Variants in RABEP2 observed in about 807,000 individuals in gnomAD.
RABEP2 encodes the protein rabaptin, RAB GTPase binding effector protein 2.
RABEP2 carries 57 observed loss-of-function variants against 74.1 expected under a neutral mutation model. The observed-to-expected ratio is 0.77, with a 90% confidence interval of 0.62 to 0.96. The LOEUF is 0.96. RABEP2 is among the 40% of genes least tolerant of loss of function. The pLI is 0.00. For synonymous variants in RABEP2, 351 were observed against 344.0 expected (o/e 1.02, Z -0.23); for missense variants, 692 against 756.3 (o/e 0.91, Z 1.00).
intron 3 of RABEP2, among the ~76,000 whole-genome samples, chr16:28,918,822 A>T (rs1196059075): frequency 6.6e-6 from 1 of 151,922 alleles, no homozygotes; most frequent in Non-Finnish European, 1.5e-5. Flanking sequence ...CAGTTAATTT[A>T]ACAAAAAAAG....
chr16:28,912,170 C>T (rs1479829604), intron 5 of RABEP2, among the ~76,000 whole-genome samples: 6 of 132,192 alleles, frequency 4.5e-5, no homozygotes, highest in African/African-American at 1.6e-4. Flanking sequence ...GGCATGAACC[C>T]GGTAGGTGGA....
chr16:28,914,636 C>A (rs753478169), intron 4 of RABEP2, 36 bp downstream of exon 4: 2 of 1,611,428 alleles, frequency 1.2e-6, no homozygotes, highest in Admixed American at 1.7e-5. Flanking sequence ...CCTCTGGCAC[C>A]CCTCCTTCCC....
At position 28,919,907 on chromosome 16, in the gene RABEP2, AGG is replaced by A; in HGVS notation, c.309_310del (p.Leu104GlufsTer12). 1 of 1,404,642 alleles carries A rather than the reference AGG, an allele frequency of 7.1e-7. No individual in the cohort carries two copies. The allele number at this position is 1,404,642 out of a possible 1,614,324, so 87.0% of individuals were successfully genotyped here. On this transcript the variant is annotated frameshift_variant, in exon 3 of 13. Transcript: ENST00000358201. LOFTEE classifies it high-confidence loss of function. ...CTGCTGCTGCTGTCGCTCCTGCTTCAGGGCGGTGATCTGGGCTTCATAGCTGC... is the reference window on the plus strand; with the variant it reads ...CTGCTGCTGCTGTCGCTCCTGCTTCAGCGGTGATCTGGGCTTCATAGCTGC...
In RABEP2 at chr16:28,911,110, G is replaced by A. The variant is rs753049047; in HGVS notation, c.964C>T (p.Arg322Trp). The A allele has an allele frequency of 1.8e-5, 29 of 1,613,104 alleles. No individual in the cohort carries two copies. Among genetic ancestry groups the A allele is most frequent in the Admixed American group, 5.0e-5 (3 of 59,996 alleles). Residue 322 changes from arginine (R) to tryptophan (W), a missense_variant, in exon 6 of 13, where the codon CGG becomes TGG. Arg to Trp is a moderately radical substitution (Grantham distance 101, BLOSUM62 -3). Coordinates refer to ENST00000358201, the MANE Select transcript of RABEP2 (RefSeq NM_024816.3). The part of the protein sequence containing the change: ...ERDELQEGLR[R>W]SNEDCAKQMQ... ...TGCTTGGCACAGTCCTCATTGCTCC[G>A]TCTCAGGCCCTCTTGGAGCTCGTCC...
intron 3 of RABEP2, chr16:28,917,865 T>C (rs1200371848): frequency 6.6e-6 from 1 of 152,240 alleles, no homozygotes; most frequent in African/African-American, 2.4e-5. Context: ...GGTCTTTGTT[T>C]CATGGGCTCC....
At position 28,905,877 on chromosome 16, in the gene RABEP2, C is replaced by T; in HGVS notation, c.1425G>A (p.Glu475=). The T allele has an allele frequency of 6.2e-7, 1 of 1,613,868 alleles. No homozygotes were observed. Among genetic ancestry groups the T allele is most frequent in the Non-Finnish European group, 8.5e-7 (1 of 1,180,028 alleles). Residue 475 remains glutamate, a splice_region_variant and synonymous_variant, in exon 10 of 13, where the codon GAG becomes GAA. Coordinates refer to ENST00000358201, the MANE Select transcript of RABEP2 (RefSeq NM_024816.3). The stretch of plus-strand genomic sequence containing the variant: ...CCAGCACACACTCACCCTCCAGCAC[C>T]TCTGTGGGAAGGAAAGAAAGAGAGG... ...GQLRVQREET[E]VLEASLCSLR...
intron 12 of RABEP2, 142 bp downstream of exon 12, chr16:28,905,255 T>C (rs1259654828): frequency 1.3e-5 from 9 of 708,982 alleles, no homozygotes; most frequent in South Asian, 5.5e-5. Flanking sequence ...TCAGGGTTTT[T>C]TGAGTAACAG....
chr16:28,905,710 C>G lies in RABEP2; in HGVS notation c.1485G>C (p.Gln495His), dbSNP rs755960017. Residue 495 changes from glutamine (Q) to histidine (H), a missense_variant, in exon 11 of 13, where the codon CAG becomes CAC. Coordinates refer to ENST00000358201, the MANE Select transcript of RABEP2 (RefSeq NM_024816.3). Reference sequence around the variant, plus strand: ...CCCCTGCCCTCCCCCTCACCTTGCTCTGTTCCTGCTGCACCCGCTCCATCT... The same window carrying G: ...CCCCTGCCCTCCCCCTCACCTTGCTGTGTTCCTGCTGCACCCGCTCCATCT... ...RTEMERVQQE[Q>H]SKAQLPDLLS... is the part of the protein sequence containing the mutation. 5 of 1,613,962 alleles carry G rather than the reference C, an allele frequency of 3.1e-6. No homozygotes were observed. The South Asian group carries it at 3.3e-5, about 11-fold the overall frequency.
intron 2 of RABEP2, 70 bp downstream of exon 2, chr16:28,924,333 C>T (rs1964505760): frequency 6.9e-7 from 1 of 1,458,922 alleles, no homozygotes; most frequent in Admixed American, 1.7e-5. Context: ...TCTGTGCCCC[C>T]AATCCCTTTC....
At position 28,910,943 on chromosome 16, in the gene RABEP2, A is replaced by G; in HGVS notation, c.1034T>C (p.Leu345Pro). 6.2e-7 allele frequency: 1 copy of G among 1,613,128 alleles called. No homozygotes were observed. The highest frequency in any genetic ancestry group is 8.5e-7 in the Non-Finnish European group (1 of 1,179,582). Residue 345 changes from leucine to proline, a missense_variant, in exon 7 of 13, where the codon CTG (leucine) becomes CCG (proline). Transcript: ENST00000358201. ...GCTCACGGTCCCTTGCAGGGTCCGC[A>G]GCAGCTGCTCTGAGTTCTGGACCTG... is the stretch of plus-strand genomic sequence containing the variant. ...LAQVQNSEQL[L>P]RTLQGTVSQA...
Position 28,908,740 on chromosome 16 carries a change from A to G in RABEP2, c.1114T>C (p.Cys372Arg), listed in dbSNP as rs753821886. The G allele has an allele frequency of 1.2e-6, 2 of 1,614,160 alleles. No individual in the cohort carries two copies. Among genetic ancestry groups the G allele is most frequent in the African/African-American group, 2.7e-5 (2 of 75,046 alleles). ...AACCGCTTTACCTCATGGTGCAGGCACTTGTGGGTGGTGACCAGCTCCGCC... is the reference window on the plus strand; with the variant it reads ...AACCGCTTTACCTCATGGTGCAGGCGCTTGTGGGTGGTGACCAGCTCCGCC... ...QMAELVTTHK[C>R]LHHEVKRLNE... is the part of the protein sequence containing the mutation. The change falls in exon 8 of 13, where the codon TGC becomes CGC. Residue 372 changes from cysteine to arginine, a missense_variant. By Grantham distance (180) the Cys-to-Arg change is radical. Coordinates refer to ENST00000358201, the MANE Select transcript of RABEP2 (RefSeq NM_024816.3).
intron 5 of RABEP2, among the ~76,000 whole-genome samples, chr16:28,912,171 G>A (rs1011890092): frequency 1.6e-5 from 2 of 127,378 alleles, no homozygotes; most frequent in Admixed American, 7.8e-5. Flanking sequence ...GCATGAACCC[G>A]GTAGGTGGAG....
At chr16:28,924,319 C>T (rs1596706370) in intron 2 of RABEP2, 84 bp downstream of exon 2, 2 of 1,364,614 alleles carry the variant, frequency 1.5e-6, no homozygotes, top group South Asian at 1.2e-5. Context: ...TATCCCATAG[C>T]TTATCTGTGC....
rs561542856 is a variant in RABEP2, at chr16:28,910,855, CGCCCTCCT to C, written c.1089+25_1089+32del. 111 of 1,567,340 alleles carry C rather than the reference CGCCCTCCT, an allele frequency of 7.1e-5. 1 individual carries two copies. The African/African-American group carries it at 1.3e-3, about 18-fold the overall frequency. ...TGCAACTGATTCCTGCTGGACTCCTCGCCCTCCTGCCCTAGGGCCCCCAGGTACTCACC... is the reference window on the plus strand; with the variant it reads ...TGCAACTGATTCCTGCTGGACTCCTCGCCCTAGGGCCCCCAGGTACTCACC... On this transcript the variant is annotated intron_variant, in intron 7 of 12. Transcript: ENST00000358201.
At chr16:28,922,843 G>T (rs766045315) in intron 2 of RABEP2, among the ~76,000 whole-genome samples, 1 of 151,864 alleles carries the variant, frequency 6.6e-6, no homozygotes, top group African/African-American at 2.4e-5. Context: ...GCAGTGAGCT[G>T]AGACTGCACC....
rs772323713 is a variant in RABEP2 at position 28,914,812 on chromosome 16, T to C, written c.433-30A>G. On this transcript the variant is annotated intron_variant, in intron 3 of 12. Transcript: ENST00000358201. ...AGGGAGCGGGGTGTGGCAGCAATAG[T>C]TCCCCCTCCAAAGTGCTGAAGCCCC... 48 of 1,597,076 alleles carry C rather than the reference T, an allele frequency of 3.0e-5. No individual in the cohort carries two copies. In the Admixed American group the frequency reaches 4.2e-4, roughly 14 times the overall value.
chr16:28,905,214 C>T (rs978377359), intron 12 of RABEP2, among the ~76,000 whole-genome samples, 170 bp from the exon 13 acceptor site: 2 of 152,168 alleles, frequency 1.3e-5, no homozygotes, highest in Admixed American at 6.5e-5. Context: ...CTGAGGGCTT[C>T]AGGTGACTGA....
chr16:28,910,887 C>A lies in RABEP2; in HGVS notation c.1089+1G>T. ...CTGCCCTAGGGCCCCCAGGTACTCA[C>A]CATCTGCAGCTGCACCCGCTCCTGG... On this transcript the variant is annotated splice_donor_variant, in intron 7 of 12. Transcript: ENST00000358201. LOFTEE classifies it high-confidence loss of function. The A allele has an allele frequency of 6.2e-7, 1 of 1,609,294 alleles. No individual in the cohort carries two copies. Among genetic ancestry groups the A allele is most frequent in the Non-Finnish European group, 8.5e-7 (1 of 1,178,250 alleles).
rs930541260 is a variant in RABEP2 at position 28,925,111 on chromosome 16, G to C, written c.53C>G (p.Pro18Arg). ...GACGCCCCCTCACGTACCAGCCCCC[G>C]GCCGCCGCCGCCGCTCATCGTCGTC... ...AADDDERRRR[P>R]GAALEDSRSQ... Residue 18 changes from proline to arginine, a missense_variant, in exon 1 of 13, where the codon CCG (proline) becomes CGG (arginine). Coordinates refer to ENST00000358201, the MANE Select transcript of RABEP2 (RefSeq NM_024816.3). 1 of 1,533,132 alleles carries C rather than the reference G, an allele frequency of 6.5e-7. No homozygotes were observed. The highest frequency in any genetic ancestry group is 2.0e-5 in the Admixed American group (1 of 50,978). The allele number at this position is 1,533,132 out of a possible 1,614,324, so 95.0% of individuals were successfully genotyped here.
Sources: allele counts gnomAD v4.1 joint callset (sites outside exome capture counted in the v4.1 genomes callset), GRCh38; gene constraint gnomAD v4.1.1; transcripts MANE v1.5; gene names NCBI Gene and HGNC (gene_info 2026-07-23, HGNC 2026-07-21).